Variants in TACC2 observed in about 807,000 individuals in gnomAD.
TACC2 encodes transforming acidic coiled-coil containing protein 2.
A neutral mutation model predicts 227.3 loss-of-function variants in TACC2; 137 were observed. The ratio of observed to expected loss-of-function variants is 0.60; its 90% confidence interval spans 0.52 to 0.69. TACC2 has a LOEUF of 0.69. Ranked by LOEUF, TACC2 falls within the 30% of genes least tolerant of loss-of-function variation. The pLI, the probability that TACC2 is intolerant of heterozygous loss-of-function variation, is 0.00. For missense variants in TACC2, 3,470 were observed against 3,694.4 expected (o/e 0.94, Z 1.57); for synonymous variants, 1,523 against 1,487.5 (o/e 1.02, Z -0.55).
At chr10:122,168,405 G>A (rs1479284953) in intron 7 of TACC2, among the ~76,000 whole-genome samples, 1 of 152,194 alleles carries the variant, frequency 6.6e-6, no homozygotes, top group African/African-American at 2.4e-5. Context: ...TAGAGTGGGA[G>A]GGGGAGATTG....
intron 11 of TACC2, among the ~76,000 whole-genome samples, chr10:122,223,634 G>A (rs1323796468): frequency 6.6e-6 from 1 of 152,136 alleles, no homozygotes; most frequent in Admixed American, 6.5e-5. Context: ...CCATTTGCAG[G>A]TTTTATGAAA....
At chr10:122,202,013 C>CT (rs767544440) in intron 8 of TACC2, among the ~76,000 whole-genome samples, 3,335 of 102,332 alleles carry the variant, frequency 0.033, 125 homozygotes, top group East Asian at 0.21. Flanking sequence ...TCTTCTTTAG[C>CT]TTTTTTTTTT....
intron 5 of TACC2, among the ~76,000 whole-genome samples, chr10:122,113,459 C>A (rs951438857): frequency 2.0e-5 from 3 of 152,254 alleles, no homozygotes; most frequent in Non-Finnish European, 2.9e-5. Context: ...GCCCAGGAGC[C>A]TGGTTCCCTT....
intron 2 of TACC2, 91 bp downstream of exon 2, chr10:122,022,105 G>A: frequency 7.4e-7 from 1 of 1,345,336 alleles, no homozygotes; most frequent in Non-Finnish European, 1.1e-6. Context: ...CTTCACCCAG[G>A]AAGGAGCAAA....
At chr10:122,136,756 G>C (rs914330397) in intron 6 of TACC2, among the ~76,000 whole-genome samples, 56 of 152,156 alleles carry the variant, frequency 3.7e-4, no homozygotes, top group African/African-American at 1.3e-3. Flanking sequence ...GTTTTGCCAT[G>C]ATGGCCAGAC....
intron 5 of TACC2, among the ~76,000 whole-genome samples, chr10:122,131,142 C>A (rs1592368942): frequency 1.4e-5 from 2 of 140,350 alleles, no homozygotes; most frequent in East Asian, 4.2e-4. Flanking sequence ...GGAGCCACTG[C>A]ATTTCAGTCT....
At chr10:122,122,573 C>T (rs2086051542) in intron 5 of TACC2, among the ~76,000 whole-genome samples, 3 of 151,438 alleles carry the variant, frequency 2.0e-5, no homozygotes, top group Non-Finnish European at 4.4e-5. Context: ...TCTGTTCTCC[C>T]TGCGTGGGCT....
At chr10:122,244,116 T>C (rs1038254413) in intron 19 of TACC2, among the ~76,000 whole-genome samples, 2 of 152,154 alleles carry the variant, frequency 1.3e-5, no homozygotes, top group Non-Finnish European at 2.9e-5. Context: ...CTGGAGAGAA[T>C]GCCACCTGCC....
intron 5 of TACC2, among the ~76,000 whole-genome samples, chr10:122,095,135 TC>T (rs994377779): frequency 2.6e-5 from 4 of 152,042 alleles, no homozygotes; most frequent in African/African-American, 9.7e-5. Context: ...ATGGCAAGTT[TC>T]CCCCCAGATG....
chr10:121,990,433 A>G (rs1214473989), intron 1 of TACC2, among the ~76,000 whole-genome samples: 1 of 152,126 alleles, frequency 6.6e-6, no homozygotes, highest in African/African-American at 2.4e-5. Context: ...TTTAAATATC[A>G]GGATATAGGA....
intron 3 of TACC2, among the ~76,000 whole-genome samples, chr10:122,073,260 G>A (rs2078356914): frequency 6.6e-6 from 1 of 151,730 alleles, no homozygotes; most frequent in Non-Finnish European, 1.5e-5. Flanking sequence ...AGGGCCTGGG[G>A]AGTGGCATGC....
chr10:122,047,477 G>A (rs1200281362), intron 2 of TACC2, among the ~76,000 whole-genome samples: 2 of 152,076 alleles, frequency 1.3e-5, no homozygotes, highest in Non-Finnish European at 2.9e-5. Flanking sequence ...TAAGGGAATG[G>A]CTCAGCCTGC....
In TACC2 at chr10:122,194,907, C is replaced by G; in HGVS notation, c.5835-133C>G. The G allele has an allele frequency of 1.3e-6, 1 of 795,064 alleles. No individual in the cohort carries two copies. The highest frequency in any genetic ancestry group is 2.4e-5 in the South Asian group (1 of 41,764). The allele number at this position is 795,064 out of a possible 1,614,324, so 49.3% of individuals were successfully genotyped here. A position where few individuals can be genotyped will look rare whatever the true frequency, so the allele number is the denominator to read the frequency against. On this transcript the variant is annotated intron_variant, in intron 7 of 22. Transcript: ENST00000369005. The surrounding 1 kb of genome is among the most constrained non-coding windows in gnomAD (Gnocchi z 4.4). ...AATCACGACTGAGAAAATGACTTTCCTCTCATCTGTCCCTGCACAGTTTAA... is the reference window on the plus strand; with the variant it reads ...AATCACGACTGAGAAAATGACTTTCGTCTCATCTGTCCCTGCACAGTTTAA...
At chr10:122,239,005 T>TTG (rs1176357444) in intron 18 of TACC2, among the ~76,000 whole-genome samples, 1 of 151,792 alleles carries the variant, frequency 6.6e-6, no homozygotes, top group African/African-American at 2.4e-5. Flanking sequence ...CTAGTTTTTT[T>TTG]TGTGTGTGTG....
chr10:122,140,146 C>G (rs1486827809), intron 6 of TACC2, among the ~76,000 whole-genome samples: 2 of 152,132 alleles, frequency 1.3e-5, no homozygotes, highest in Non-Finnish European at 2.9e-5. Context: ...AGGACCTTAG[C>G]AAGGTGCTAA....
intron 1 of TACC2, among the ~76,000 whole-genome samples, chr10:122,020,280 C>A (rs2135505853): frequency 6.6e-6 from 1 of 150,788 alleles, no homozygotes; most frequent in Non-Finnish European, 1.5e-5. Flanking sequence ...ATTTTAAATG[C>A]ATGCAGATTT....
chr10:122,131,930 G>A (rs1373669592), intron 5 of TACC2, among the ~76,000 whole-genome samples: 3 of 152,214 alleles, frequency 2.0e-5, no homozygotes, highest in African/African-American at 4.8e-5. Context: ...GCTGAGGTAC[G>A]AGTATTGCTT....
chr10:122,137,435 A>G (rs11597548), intron 6 of TACC2, among the ~76,000 whole-genome samples: 1 of 152,016 alleles, frequency 6.6e-6, no homozygotes, highest in Non-Finnish European at 1.5e-5. Flanking sequence ...GTGAGCTGAG[A>G]CCAGGCTGAG....
chr10:122,017,125 G>A (rs1956750183), intron 1 of TACC2, among the ~76,000 whole-genome samples: 1 of 152,098 alleles, frequency 6.6e-6, no homozygotes, highest in African/African-American at 2.4e-5. Context: ...ACAGCAGCCG[G>A]AGCTGACCAG....
Sources: allele counts gnomAD v4.1 joint callset (sites outside exome capture counted in the v4.1 genomes callset), GRCh38; gene constraint gnomAD v4.1.1; non-coding constraint Gnocchi (gnomAD v3.1); transcripts MANE v1.5; gene names NCBI Gene and HGNC (gene_info 2026-07-23, HGNC 2026-07-21).